The following RTF1 variants were observed in gnomAD, a reference collection of about 807,000 sequenced individuals.
RTF1 encodes the protein RTF1 homolog, Paf1/RNA polymerase II complex component, also known as RNA polymerase-associated protein RTF1 homolog.
A neutral mutation model predicts 95.7 loss-of-function variants in RTF1; 10 were observed. That is an observed-to-expected ratio of 0.10 (90% confidence interval 0.06 to 0.18). The LOEUF (loss-of-function observed/expected upper bound fraction) is 0.18, where lower values mean the gene tolerates loss of function less well. Among genes scored for constraint, RTF1 ranks in the 10% least tolerant of loss-of-function variants. RTF1 has a pLI of 1.00. For missense variants in RTF1, 458 were observed against 875.6 expected (o/e 0.52, Z 6.02); for synonymous variants, 305 against 311.8 (o/e 0.98, Z 0.23).
intron 2 of RTF1, chr15:41,440,377 AT>A (rs1421377078): frequency 1.3e-5 from 2 of 151,558 alleles, no homozygotes; most frequent in African/African-American, 4.8e-5. Context: ...TTTAGTAGAG[AT>A]GGGGTTTCAC....
chr15:41,446,525 C>T lies in RTF1; in HGVS notation c.310-6376C>T, dbSNP rs138641818. On this transcript the variant is annotated intron_variant, in intron 2 of 17. Transcript: ENST00000389629. ...AGGTTGCAGTGAGCCGAGATTGTGCCACTGCCTGGGCAACAGAGCAAGACT... is the reference window on the plus strand; with the variant it reads ...AGGTTGCAGTGAGCCGAGATTGTGCTACTGCCTGGGCAACAGAGCAAGACT... 4.5e-3 allele frequency among the ~76,000 whole-genome samples: 682 copies of T among 151,872 alleles called. 31 individuals carry two copies. The East Asian group carries it at 0.11, about 24-fold the overall frequency.
chr15:41,433,843 CTTTTTTT>C (rs11326489), intron 1 of RTF1, among the ~76,000 whole-genome samples: 164 of 126,080 alleles, frequency 1.3e-3, no homozygotes, highest in Admixed American at 2.4e-3. Flanking sequence ...TGCTACCACA[CTTTTTTT>C]TTTTTTTTTT....
chr15:41,446,438 C>T (rs1315656941), intron 2 of RTF1, among the ~76,000 whole-genome samples: 15 of 151,942 alleles, frequency 9.9e-5, no homozygotes, highest in East Asian at 5.8e-4. Context: ...TGGTGGCGCA[C>T]GCCTGTAGTC....
chr15:41,433,111 G>T (rs1259694286), intron 1 of RTF1, among the ~76,000 whole-genome samples: 1 of 147,936 alleles, frequency 6.8e-6, no homozygotes, highest in Non-Finnish European at 1.5e-5. Context: ...AGCTGGGTGT[G>T]GTGGCGTGCA....
In RTF1 at chr15:41,440,674, A is replaced by G. The variant is rs540269678; in HGVS notation, c.309+2243A>G. 4.7e-5 allele frequency among the ~76,000 whole-genome samples: 7 copies of G among 150,342 alleles called. No individual in the cohort carries two copies. The Admixed American group carries it at 4.7e-4, about 10-fold the overall frequency. ...CCAGCTAATTTTTTGTATTTTTGGT[A>G]GAGTCGGGGTTTCACCACGTTAGCC... is the stretch of plus-strand genomic sequence containing the variant. On this transcript the variant is annotated intron_variant, in intron 2 of 17. Transcript: ENST00000389629.
chr15:41,422,611 C>T (rs927886042), intron 1 of RTF1, among the ~76,000 whole-genome samples: 1 of 152,112 alleles, frequency 6.6e-6, no homozygotes, highest in Non-Finnish European at 1.5e-5. Context: ...CTCTACCTTT[C>T]TAAAAAACTA....
At chr15:41,463,523 G>C (rs371645986) in intron 4 of RTF1, among the ~76,000 whole-genome samples, 5 of 151,848 alleles carry the variant, frequency 3.3e-5, no homozygotes, top group African/African-American at 1.2e-4. Context: ...TGTCGCCCAG[G>C]CTAGCTAGAG....
intron 2 of RTF1, among the ~76,000 whole-genome samples, chr15:41,439,040 T>C (rs2140951972): frequency 6.6e-6 from 1 of 151,026 alleles, no homozygotes; most frequent in East Asian, 1.9e-4. Flanking sequence ...TATTTTCTTT[T>C]TTTTTTTTTC....
chr15:41,418,194 G>A (rs187538608), intron 1 of RTF1, among the ~76,000 whole-genome samples: 156 of 152,288 alleles, frequency 1.0e-3, no homozygotes, highest in Admixed American at 2.5e-3. Context: ...AGTGATACCA[G>A]GCGATACAAA....
chr15:41,482,278 T>A lies in RTF1; in HGVS notation c.*1591T>A, dbSNP rs2050980888. On this transcript the variant is annotated 3_prime_UTR_variant, in exon 18 of 18. Coordinates refer to ENST00000389629, the MANE Select transcript of RTF1 (RefSeq NM_015138.5). Reference sequence around the variant, plus strand: ...GTAAAGCTCCAAGTGTAAATAAAAGTGGCATTTAACAAATCTTTCAGAACA... The same window carrying A: ...GTAAAGCTCCAAGTGTAAATAAAAGAGGCATTTAACAAATCTTTCAGAACA... 6.6e-6 allele frequency: 1 copy of A among 152,630 alleles called. No individual in the cohort carries two copies. The highest frequency in any genetic ancestry group is 6.5e-5 in the Admixed American group (1 of 15,282). The allele number at this position is 152,630 out of a possible 1,614,324, so 9.5% of individuals were successfully genotyped here.
chr15:41,458,152 G>T (rs2050828566), intron 4 of RTF1, among the ~76,000 whole-genome samples: 1 of 152,172 alleles, frequency 6.6e-6, no homozygotes, highest in African/African-American at 2.4e-5. Flanking sequence ...ACTGCTCTGT[G>T]AAGTTGGTTA....
At chr15:41,444,369 C>G (rs1389162489) in intron 2 of RTF1, among the ~76,000 whole-genome samples, 1 of 151,906 alleles carries the variant, frequency 6.6e-6, no homozygotes, top group Non-Finnish European at 1.5e-5. Context: ...TCTCAGCTCA[C>G]TGCAACCTCC....
chr15:41,467,320 G>A (rs990286640), intron 6 of RTF1, among the ~76,000 whole-genome samples: 2 of 152,136 alleles, frequency 1.3e-5, no homozygotes, highest in African/African-American at 4.8e-5. Context: ...GCCTCTTAGG[G>A]CCTAGACTTG....
intron 1 of RTF1, among the ~76,000 whole-genome samples, chr15:41,419,819 T>C (rs1041202563): frequency 1.7e-4 from 26 of 152,158 alleles, no homozygotes; most frequent in African/African-American, 6.0e-4. Flanking sequence ...ATTGCCACTT[T>C]ATTTATTTAT....
chr15:41,477,041 C>T, intron 12 of RTF1, 124 bp from the exon 13 acceptor site: 2 of 1,193,994 alleles, frequency 1.7e-6, no homozygotes, highest in South Asian at 1.3e-5. Context: ...CAGTATTCTT[C>T]CACATCTCCT....
chr15:41,480,836 T>C lies in RTF1; in HGVS notation c.*149T>C, dbSNP rs2050968660. The C allele has an allele frequency of 1.5e-6, 1 of 648,728 alleles. No individual in the cohort carries two copies. The highest frequency in any genetic ancestry group is 2.7e-5 in the East Asian group (1 of 36,592). 40.2% of individuals were successfully genotyped at this position (648,728 alleles called of 1,614,324 possible). A position where few individuals can be genotyped will look rare whatever the true frequency, so the allele number is the denominator to read the frequency against. On this transcript the variant is annotated 3_prime_UTR_variant, in exon 18 of 18. Transcript: ENST00000389629. ...GCCAGTCATCTGTAATATAAACCAT[T>C]TGCTGTATAGACCTCCTTTGTCTGC...
At chr15:41,421,866 AC>A (rs980904995) in intron 1 of RTF1, among the ~76,000 whole-genome samples, 9 of 151,818 alleles carry the variant, frequency 5.9e-5, no homozygotes, top group Non-Finnish European at 1.3e-4. Flanking sequence ...GTGCACCACC[AC>A]ACCCAGCTAA....
At chr15:41,429,307 C>T (rs1480788796) in intron 1 of RTF1, among the ~76,000 whole-genome samples, 8 of 152,174 alleles carry the variant, frequency 5.3e-5, no homozygotes, top group African/African-American at 1.4e-4. Flanking sequence ...CTCGTCATCT[C>T]GTAGATCCTT....
intron 6 of RTF1, among the ~76,000 whole-genome samples, chr15:41,467,227 C>T (rs530497183): frequency 6.6e-6 from 1 of 152,266 alleles, no homozygotes; most frequent in African/African-American, 2.4e-5. Context: ...TTCTACCTCT[C>T]TCTTCCTCCC....
Sources: gnomAD v4.1 joint callset for allele counts (sites outside exome capture counted in the v4.1 genomes callset) on GRCh38, gnomAD v4.1.1 for gene constraint, MANE v1.5 for transcripts, NCBI Gene and HGNC (gene_info 2026-07-23, HGNC 2026-07-21) for gene names.